SEPTIN4: variants seen among roughly 807,000 people sequenced by gnomAD.
SEPTIN4 encodes the protein septin 4, also known as septin-4.
In SEPTIN4, 52 loss-of-function variants were observed where a neutral mutation model predicts 107.1. That is an observed-to-expected ratio of 0.49 (90% CI 0.39 to 0.61). The LOEUF is 0.61. Among genes scored for constraint, SEPTIN4 ranks in the 20% least tolerant of loss-of-function variants. The pLI is 0.00. For missense variants in SEPTIN4, 1,048 were observed against 1,243.5 expected (o/e 0.84, Z 2.36); for synonymous variants, 417 against 467.0 (o/e 0.89, Z 1.38).
chr17:58,521,912 G>C lies in SEPTIN4; in HGVS notation c.2351+55C>G, dbSNP rs1446991623. ...GGCAGCCCTGCCCCTGGTGCTCTTG[G>C]CCTGTTCCCTTGACAGCACCCGGTG... On this transcript the variant is annotated intron_variant, in intron 8 of 13. Coordinates refer to ENST00000672673, the MANE Select transcript of SEPTIN4 (RefSeq NM_001368771.2). This position sits in a 1 kb window ranked among gnomAD's most constrained non-coding sequence, Gnocchi z 6.4. 6.2e-7 allele frequency: 1 copy of C among 1,614,232 alleles called. No individual in the cohort carries two copies. The highest frequency in any genetic ancestry group is 2.2e-5 in the East Asian group (1 of 44,888).
rs747682579 is a variant in SEPTIN4 at position 58,543,581 on chromosome 17, T to C, written c.606A>G (p.Val202=). The C allele has an allele frequency of 2.5e-5, 40 of 1,614,094 alleles. No individual in the cohort carries two copies. Among genetic ancestry groups the C allele is most frequent in the Admixed American group, 5.0e-5 (3 of 59,998 alleles). Residue 202 remains valine, a synonymous_variant, in exon 1 of 14, where the codon GTA becomes GTG. Coordinates refer to ENST00000672673, the MANE Select transcript of SEPTIN4 (RefSeq NM_001368771.2). The part of the protein sequence containing the change: ...RILSYPKDEA[V]QTEPIQRITT... ...TAATTCTTTGGATGGGCTCAGTTTGTACTGCTTCATCCTTTGGGTAAGACA... is the reference window on the plus strand; with the variant it reads ...TAATTCTTTGGATGGGCTCAGTTTGCACTGCTTCATCCTTTGGGTAAGACA...
In SEPTIN4 at chr17:58,544,297, G is replaced by T; in HGVS notation, c.-111C>A. On this transcript the variant is annotated 5_prime_UTR_variant, in exon 1 of 14. Coordinates refer to ENST00000672673, the MANE Select transcript of SEPTIN4 (RefSeq NM_001368771.2). ...CTGTTTTAAAGCTGCTGTTTCTTGG[G>T]CTCCCACAAAAGTGGCTGTTGTTCT... 7.1e-7 allele frequency: 1 copy of T among 1,416,988 alleles called. No individual in the cohort carries two copies. The highest frequency in any genetic ancestry group is 9.5e-7 in the Non-Finnish European group (1 of 1,057,840). The allele number at this position is 1,416,988 out of a possible 1,614,324, so 87.8% of individuals were successfully genotyped here.
In SEPTIN4 at chr17:58,520,432, G is replaced by C. The variant is rs764733490; in HGVS notation, c.2985C>G (p.Asn995Lys). 1.7e-5 allele frequency: 27 copies of C among 1,612,914 alleles called. No individual in the cohort carries two copies. The highest frequency in any genetic ancestry group is 2.2e-5 in the Non-Finnish European group (26 of 1,180,012). Residue 995 changes from asparagine to lysine, a missense_variant, in exon 14 of 14, where the codon AAC becomes AAG. Asn to Lys is a moderately conservative substitution (Grantham distance 94). This residue lies in a region of SEPTIN4 where 261 missense variants were observed against 371.7 expected (regional missense o/e 0.70). Transcript: ENST00000672673. ...ATCCAGGGCTGAAAGCCAGTTAATA[G>C]TTCTCCTTCATCTGTTTTTGTATTT... Reference protein sequence around the residue: ...LHKIQKQMKENY With the variant: ...LHKIQKQMKEKY
At position 58,529,450 on chromosome 17, in the gene SEPTIN4, T is replaced by G. The variant is rs2043269542; in HGVS notation, c.1615-2472A>C. ...GCAGGATCACTTGGTTCCTCTGCAG[T>G]CCCCTCCTCCTCTGATTGGCTGTCC... On this transcript the variant is annotated intron_variant, in intron 3 of 13. Transcript: ENST00000672673. 4.4e-6 allele frequency: 6 copies of G among 1,351,276 alleles called. No individual in the cohort carries two copies. In the Admixed American group the frequency reaches 1.3e-4, roughly 28 times the overall value. 83.7% of individuals were successfully genotyped at this position (1,351,276 alleles called of 1,614,324 possible).
chr17:58,543,167 C>A lies in SEPTIN4; in HGVS notation c.1020G>T (p.Gly340=). The change falls in exon 1 of 14, where the codon GGG becomes GGT. Residue 340 remains glycine (G), a synonymous_variant. Transcript: ENST00000672673. ...EVGRRVTISP[G]VQSVEPTHHV... is the part of the protein sequence containing the mutation. The stretch of plus-strand genomic sequence containing the variant: ...GGTGAGTTGGCTCTACTGACTGTAC[C>A]CCTGGGGAGATGGTGACCCTGCGGC... 6.2e-7 allele frequency: 1 copy of A among 1,613,830 alleles called. No individual in the cohort carries two copies. The highest frequency in any genetic ancestry group is 8.5e-7 in the Non-Finnish European group (1 of 1,179,862).
chr17:58,528,523 G>A (rs1042436691), intron 3 of SEPTIN4: 4 of 154,122 alleles, frequency 2.6e-5, no homozygotes, highest in Non-Finnish European at 5.8e-5. Context: ...GAGGTCCAGT[G>A]GTGACCATAC....
intron 2 of SEPTIN4, chr17:58,541,595 C>T (rs1055012157): frequency 7.6e-6 from 4 of 524,422 alleles, no homozygotes; most frequent in Non-Finnish European, 1.3e-5. Flanking sequence ...GTGAAGCAGG[C>T]GGTTTGCTTT....
chr17:58,520,579 T>G, intron 13 of SEPTIN4, 94 bp from the exon 14 acceptor site: 1 of 1,553,060 alleles, frequency 6.4e-7, no homozygotes, highest in Non-Finnish European at 8.9e-7. Flanking sequence ...AGCCAGAACC[T>G]TGGTAGCCGT....
intron 3 of SEPTIN4, among the ~76,000 whole-genome samples, chr17:58,539,744 GGA>G (rs1458413595): frequency 3.3e-5 from 5 of 152,054 alleles, no homozygotes; most frequent in African/African-American, 9.7e-5. Context: ...AGGAAGGGAG[GGA>G]GAGAGAGAGG....
At position 58,533,125 on chromosome 17, in the gene SEPTIN4, C is replaced by A. The variant is rs542885895; in HGVS notation, c.1615-6147G>T. Among the ~76,000 whole-genome samples the A allele has an allele frequency of 1.1e-3, 165 of 152,310 alleles. 1 individual carries two copies. Among genetic ancestry groups the A allele is most frequent in the African/African-American group, 3.8e-3 (160 of 41,572 alleles). ...CTGTATTTCAGTCTGACCTGTGAAC[C>A]AGTAGCACTGGTTGGGACCAGTCAG... On this transcript the variant is annotated intron_variant, in intron 3 of 13. Transcript: ENST00000672673.
At position 58,543,363 on chromosome 17, in the gene SEPTIN4, A is replaced by G; in HGVS notation, c.824T>C (p.Leu275Pro). The G allele has an allele frequency of 6.2e-7, 1 of 1,614,082 alleles. No individual in the cohort carries two copies. The highest frequency in any genetic ancestry group is 8.5e-7 in the Non-Finnish European group (1 of 1,180,026). Residue 275 changes from leucine (L) to proline (P), a missense_variant, in exon 1 of 14, where the codon CTC becomes CCC. By Grantham distance (98) the Leu-to-Pro change is moderately conservative. Around this residue, in one of 2 missense-constraint regions of SEPTIN4, gnomAD observed 787 missense variants for 871.8 expected, o/e 0.90. Transcript: ENST00000672673. ...RNMNLDSLLK[L>P]SVLKDSDGVH... ...ACCATCAGAATCTTTAAGGACAGAG[A>G]GTTTGAGCAATGAGTCCAAGTTCAT...
chr17:58,541,700 A>C, intron 2 of SEPTIN4: 1 of 1,335,336 alleles, frequency 7.5e-7, no homozygotes, highest in Non-Finnish European at 1.0e-6. Context: ...ACTTCCTGTT[A>C]AAAGGAGACT....
chr17:58,544,244 G>A lies in SEPTIN4; in HGVS notation c.-58C>T. On this transcript the variant is annotated 5_prime_UTR_variant, in exon 1 of 14. Transcript: ENST00000672673. ...TATTTTACTGGCTGGCTTGTATTCAGGATCCTAATGATGCCTGAATATTTA... is the reference window on the plus strand; with the variant it reads ...TATTTTACTGGCTGGCTTGTATTCAAGATCCTAATGATGCCTGAATATTTA... 1.3e-6 allele frequency: 2 copies of A among 1,529,176 alleles called. No homozygotes were observed. The highest frequency in any genetic ancestry group is 8.8e-7 in the Non-Finnish European group (1 of 1,140,598). The allele number at this position is 1,529,176 out of a possible 1,614,324, so 94.7% of individuals were successfully genotyped here.
chr17:58,525,756 T>A lies in SEPTIN4; in HGVS notation c.2031A>T (p.Thr677=), dbSNP rs780654176. 5.0e-6 allele frequency: 8 copies of A among 1,614,160 alleles called. No individual in the cohort carries two copies. The highest frequency in any genetic ancestry group is 5.9e-6 in the Non-Finnish European group (7 of 1,180,018). The change falls in exon 6 of 14, where the codon ACA becomes ACT. Residue 677 remains threonine (T), a synonymous_variant. Transcript: ENST00000672673. ...CAGTGAGGAAGAGGCTATTGACAAGTGTGGATTTGCCCAGGCCAGACTCTC... is the reference window on the plus strand; with the variant it reads ...CAGTGAGGAAGAGGCTATTGACAAGAGTGGATTTGCCCAGGCCAGACTCTC... ...VAGESGLGKS[T]LVNSLFLTDL... is the part of the protein sequence containing the mutation.
chr17:58,526,206 T>TGCCCC lies in SEPTIN4; in HGVS notation c.2005+9_2005+13dup. On this transcript the variant is annotated intron_variant, in intron 5 of 13. Transcript: ENST00000672673. Reference sequence around the variant, plus strand: ...AAACACACCCTGCCCAACCCAGCCCTGCCCCTTTTTTACCTGCCACCATGA... The same window carrying TGCCCC: ...AAACACACCCTGCCCAACCCAGCCCTGCCCCGCCCCTTTTTTACCTGCCACCATGA... 1 of 1,568,404 alleles carries TGCCCC rather than the reference T, an allele frequency of 6.4e-7. No individual in the cohort carries two copies. Among genetic ancestry groups the TGCCCC allele is most frequent in the Non-Finnish European group, 8.6e-7 (1 of 1,156,272 alleles).
chr17:58,532,054 C>G, intron 3 of SEPTIN4: 2 of 1,116,378 alleles, frequency 1.8e-6, no homozygotes, highest in Non-Finnish European at 2.2e-6. Context: ...ACCGCCGTCA[C>G]CCTCCCGCCT....
rs1351226528 is a variant in SEPTIN4 at position 58,526,920 on chromosome 17, T to C, written c.1673A>G (p.Asp558Gly). 1 of 1,614,060 alleles carries C rather than the reference T, an allele frequency of 6.2e-7. No individual in the cohort carries two copies. Among genetic ancestry groups the C allele is most frequent in the Admixed American group, 1.7e-5 (1 of 60,016 alleles). The part of the protein sequence containing the change: ...DDGELSKFVK[D>G]FSGNASCHPP... ...GTGGCAGCTCGCATTTCCTGAGAAA[T>C]CCTTCACGAACTTGCTCAGTTCTCC... The change falls in exon 4 of 14, where the codon GAT becomes GGT. Residue 558 changes from aspartate (D) to glycine (G), a missense_variant. By Grantham distance (94) the Asp-to-Gly change is moderately conservative (BLOSUM62 -1). Around this residue, in one of 2 missense-constraint regions of SEPTIN4, gnomAD observed 787 missense variants for 871.8 expected, o/e 0.90. Coordinates refer to ENST00000672673, the MANE Select transcript of SEPTIN4 (RefSeq NM_001368771.2).
intron 2 of SEPTIN4, among the ~76,000 whole-genome samples, chr17:58,541,171 C>T (rs1235552326): frequency 6.6e-6 from 1 of 152,200 alleles, no homozygotes; most frequent in Admixed American, 6.5e-5. Flanking sequence ...GGATGGAATT[C>T]CCAGGGCTCT....
intron 3 of SEPTIN4, among the ~76,000 whole-genome samples, chr17:58,537,358 C>G (rs1037145103): frequency 6.6e-6 from 1 of 152,186 alleles, no homozygotes. Flanking sequence ...CAGGCAAACC[C>G]TGATGAGTTG....
Sources: allele counts gnomAD v4.1 joint callset (sites outside exome capture counted in the v4.1 genomes callset), GRCh38; gene constraint gnomAD v4.1.1; regional missense constraint gnomAD v4.1.1; non-coding constraint Gnocchi (gnomAD v3.1); transcripts MANE v1.5; gene names NCBI Gene and HGNC (gene_info 2026-07-23, HGNC 2026-07-21).